The following TNFRSF21 variants were observed in gnomAD, a reference collection of about 807,000 sequenced individuals.
The protein encoded by TNFRSF21 is TNF receptor superfamily member 21.
Under a neutral mutation model 45.6 loss-of-function variants are expected in TNFRSF21, and 19 were observed. The ratio of observed to expected loss-of-function variants is 0.42; its 90% CI spans 0.29 to 0.61. The LOEUF (loss-of-function observed/expected upper bound fraction) is 0.61. Among genes scored for constraint, TNFRSF21 ranks in the 20% least tolerant of loss-of-function variants. The probability of loss-of-function intolerance (pLI) is 0.23; values close to 1 mark genes in which losing one functional copy is unlikely to be tolerated. For synonymous variants in TNFRSF21, 314 were observed against 335.5 expected (o/e 0.94, Z 0.70); for missense variants, 737 against 851.5 (o/e 0.87, Z 1.67).
At chr6:47,305,995 T>C (rs191836361) in intron 1 of TNFRSF21, among the ~76,000 whole-genome samples, 37 of 152,166 alleles carry the variant, frequency 2.4e-4, no homozygotes, top group Non-Finnish European at 4.6e-4. Flanking sequence ...AGATATGATA[T>C]AGCAAGGGTA....
intron 1 of TNFRSF21, 53 bp downstream of exon 1, chr6:47,309,363 C>T (rs1362045458): frequency 1.3e-5 from 19 of 1,499,692 alleles, no homozygotes; most frequent in Non-Finnish European, 1.5e-5. Context: ...TCCCGGAGAG[C>T]GGTTCCTTCT....
intron 4 of TNFRSF21, among the ~76,000 whole-genome samples, chr6:47,238,123 G>A (rs1182257792): frequency 6.6e-6 from 1 of 152,238 alleles, no homozygotes; most frequent in Non-Finnish European, 1.5e-5. Context: ...TTTAAAAGCA[G>A]TCACTACCGA....
intron 3 of TNFRSF21, among the ~76,000 whole-genome samples, chr6:47,277,324 T>C (rs1428050998): frequency 9.2e-5 from 14 of 152,212 alleles, no homozygotes; most frequent in Admixed American, 9.2e-4. Context: ...AGAATGTTTC[T>C]TTCTTGCTAG....
intron 3 of TNFRSF21, among the ~76,000 whole-genome samples, chr6:47,280,702 A>G (rs1762555437): frequency 6.6e-6 from 1 of 152,238 alleles, no homozygotes; most frequent in African/African-American, 2.4e-5. Flanking sequence ...CAGGCATAGT[A>G]GTTTATAAGG....
chr6:47,271,864 T>C (rs1334946631), intron 3 of TNFRSF21, among the ~76,000 whole-genome samples: 1 of 152,020 alleles, frequency 6.6e-6, no homozygotes, highest in Non-Finnish European at 1.5e-5. Context: ...GGGGTTGCAA[T>C]CCTAGTCTCT....
At chr6:47,245,942 G>A (rs1294233189) in intron 4 of TNFRSF21, among the ~76,000 whole-genome samples, 1 of 152,162 alleles carries the variant, frequency 6.6e-6, no homozygotes. Context: ...AGGGGGAGGT[G>A]CCACATGCTT....
intron 4 of TNFRSF21, among the ~76,000 whole-genome samples, chr6:47,237,886 C>T (rs1764682403): frequency 6.6e-6 from 1 of 152,038 alleles, no homozygotes; most frequent in Admixed American, 6.6e-5. Context: ...CCTGTCTCCA[C>T]TAAAAATACA....
chr6:47,272,376 C>A (rs997909573), intron 3 of TNFRSF21, among the ~76,000 whole-genome samples: 2 of 152,208 alleles, frequency 1.3e-5, no homozygotes, highest in African/African-American at 4.8e-5. Context: ...CAAAACCACA[C>A]AACTACATGG....
At chr6:47,265,498 A>C (rs1489109650) in intron 3 of TNFRSF21, among the ~76,000 whole-genome samples, 1 of 152,210 alleles carries the variant, frequency 6.6e-6, no homozygotes, top group Non-Finnish European at 1.5e-5. Flanking sequence ...CTAGCATCAG[A>C]TCAGTGCCTG....
intron 4 of TNFRSF21, among the ~76,000 whole-genome samples, 180 bp from the exon 5 acceptor site, chr6:47,235,078 C>T (rs1234119779): frequency 6.6e-6 from 1 of 151,970 alleles, no homozygotes; most frequent in Non-Finnish European, 1.5e-5. Context: ...TTAAACCCTT[C>T]AAAAATACAG....
chr6:47,263,022 G>T (rs1272864806), intron 3 of TNFRSF21, among the ~76,000 whole-genome samples: 1 of 152,182 alleles, frequency 6.6e-6, no homozygotes. Flanking sequence ...AGAGGCCACA[G>T]CAGTAATCCA....
intron 2 of TNFRSF21, among the ~76,000 whole-genome samples, 200 bp from the exon 3 acceptor site, chr6:47,284,632 C>T (rs1390678018): frequency 6.6e-6 from 1 of 152,170 alleles, no homozygotes; most frequent in African/African-American, 2.4e-5. Context: ...TGGAACTGAA[C>T]CACTAAACTC....
In TNFRSF21 at chr6:47,249,790, T is replaced by G. The variant is rs1168676166; in HGVS notation, c.1509+3466A>C. ...TGGTAAAAAGTACACATTTATTGCCTATATCTCATAATTAAGCATGTGTGT... is the reference window on the plus strand; with the variant it reads ...TGGTAAAAAGTACACATTTATTGCCGATATCTCATAATTAAGCATGTGTGT... On this transcript the variant is annotated intron_variant, in intron 4 of 5. Transcript: ENST00000296861. Among the ~76,000 whole-genome samples, 5 of 152,314 alleles carry G rather than the reference T, an allele frequency of 3.3e-5. No homozygotes were observed. The South Asian group carries it at 8.3e-4, about 25-fold the overall frequency.
intron 1 of TNFRSF21, among the ~76,000 whole-genome samples, chr6:47,292,017 GC>G: frequency 6.6e-6 from 1 of 152,284 alleles, no homozygotes; most frequent in South Asian, 2.1e-4. Context: ...CCTGGTGGCA[GC>G]CCTCTGATTT....
intron 1 of TNFRSF21, among the ~76,000 whole-genome samples, chr6:47,290,728 C>A (rs1373481647): frequency 1.3e-5 from 2 of 152,152 alleles, no homozygotes; most frequent in Admixed American, 1.3e-4. Flanking sequence ...CCAGCTCCCG[C>A]AAGCAGAGCC....
chr6:47,255,178 T>A (rs981011971), intron 3 of TNFRSF21, among the ~76,000 whole-genome samples: 1 of 152,214 alleles, frequency 6.6e-6, no homozygotes, highest in African/African-American at 2.4e-5. Context: ...CCAGATCTGA[T>A]GAACAGATGA....
chr6:47,289,951 G>T (rs541059150), intron 1 of TNFRSF21, among the ~76,000 whole-genome samples: 4 of 152,016 alleles, frequency 2.6e-5, no homozygotes, highest in African/African-American at 9.7e-5. Context: ...CCGAGATTGC[G>T]CCACTTTACT....
intron 1 of TNFRSF21, among the ~76,000 whole-genome samples, chr6:47,300,487 T>A (rs1338751036): frequency 6.6e-6 from 1 of 152,228 alleles, no homozygotes; most frequent in African/African-American, 2.4e-5. Flanking sequence ...CTCTAATCCA[T>A]TCTCCACAGA....
chr6:47,255,191 T>C (rs1764967195), intron 3 of TNFRSF21, among the ~76,000 whole-genome samples: 1 of 152,134 alleles, frequency 6.6e-6, no homozygotes, highest in Admixed American at 6.5e-5. Context: ...ACAGATGAAA[T>C]GGTGATGATG....
Sources: gnomAD v4.1 joint callset for allele counts (sites outside exome capture counted in the v4.1 genomes callset) on GRCh38, gnomAD v4.1.1 for gene constraint, MANE v1.5 for transcripts, NCBI Gene and HGNC (gene_info 2026-07-23, HGNC 2026-07-21) for gene names.